Variants in NRG3 observed in about 807,000 individuals in gnomAD.
The protein encoded by NRG3 is pro-neuregulin-3, membrane-bound isoform.
In NRG3, 31 loss-of-function variants were observed where a neutral mutation model predicts 66.9. That is an observed-to-expected ratio of 0.46 (90% CI 0.35 to 0.63). The LOEUF (loss-of-function observed/expected upper bound fraction) is 0.63, where lower values mean the gene tolerates loss of function less well. NRG3 is among the 20% of genes least tolerant of loss of function. NRG3 has a pLI of 0.00. For missense variants in NRG3, 910 were observed against 878.9 expected (o/e 1.04, Z -0.45); for synonymous variants, 393 against 359.4 (o/e 1.09, Z -1.06).
intron 3 of NRG3, among the ~76,000 whole-genome samples, chr10:82,757,114 A>T (rs2059112211): frequency 1.3e-5 from 2 of 152,032 alleles, no homozygotes; most frequent in Admixed American, 1.3e-4. Context: ...GATGCACAGG[A>T]TTTGCTCTGG....
At chr10:82,059,078 A>G (rs1251951420) in intron 1 of NRG3, among the ~76,000 whole-genome samples, 3 of 152,182 alleles carry the variant, frequency 2.0e-5, no homozygotes, top group African/African-American at 2.4e-5. Context: ...AGAGGTATAC[A>G]TTGTGATGTG....
intron 2 of NRG3, among the ~76,000 whole-genome samples, chr10:82,434,592 A>C (rs2090014942): frequency 6.6e-6 from 1 of 152,118 alleles, no homozygotes; most frequent in African/African-American, 2.4e-5. Context: ...CTTGTCATAA[A>C]TAGCTTTTAT....
At chr10:82,725,233 C>T (rs1026082422) in intron 2 of NRG3, among the ~76,000 whole-genome samples, 4 of 152,182 alleles carry the variant, frequency 2.6e-5, no homozygotes, top group Admixed American at 1.3e-4. Context: ...GGCCAGCATG[C>T]TGGTATGGTT....
chr10:82,367,711 T>C (rs1487874681), intron 2 of NRG3, among the ~76,000 whole-genome samples: 23 of 152,140 alleles, frequency 1.5e-4, no homozygotes, highest in Admixed American at 1.5e-3. Context: ...ATACATATTC[T>C]TGACCGAACG....
intron 4 of NRG3, among the ~76,000 whole-genome samples, chr10:82,880,974 G>C (rs1239929732): frequency 6.6e-6 from 1 of 152,176 alleles, no homozygotes; most frequent in African/African-American, 2.4e-5. Context: ...GTTAATATGA[G>C]CAGTGCAGGA....
At chr10:82,235,527 AAAGCTTTTTGTGACCTTTCCATCTC>A (rs1256403650) in intron 1 of NRG3, among the ~76,000 whole-genome samples, 3 of 152,190 alleles carry the variant, frequency 2.0e-5, no homozygotes, top group African/African-American at 7.2e-5. Flanking sequence ...ATCGATAAAG[AAAGCTTTTTGTGACCTTTCCATCTC>A]AAGTAATCTC....
At chr10:82,607,375 G>C (rs2048032359) in intron 2 of NRG3, among the ~76,000 whole-genome samples, 1 of 128,294 alleles carries the variant, frequency 7.8e-6, no homozygotes. Flanking sequence ...CTCTGAAGTT[G>C]CCTTGATTGG....
chr10:82,011,075 C>T (rs896988383), intron 1 of NRG3, among the ~76,000 whole-genome samples: 2 of 152,126 alleles, frequency 1.3e-5, no homozygotes, highest in Non-Finnish European at 2.9e-5. Context: ...GAATATTGTA[C>T]TGCATTGGTC....
At chr10:82,556,423 A>G (rs948212512) in intron 2 of NRG3, among the ~76,000 whole-genome samples, 2 of 152,114 alleles carry the variant, frequency 1.3e-5, no homozygotes, top group African/African-American at 4.8e-5. Context: ...TGCTACTGGT[A>G]AGGACTTCAT....
At chr10:82,953,651 C>T (rs1849739294) in intron 5 of NRG3, among the ~76,000 whole-genome samples, 1 of 151,906 alleles carries the variant, frequency 6.6e-6, no homozygotes, top group African/African-American at 2.4e-5. Flanking sequence ...AGTATAATAT[C>T]TACCTTATAG....
chr10:82,958,996 G>C lies in NRG3; in HGVS notation c.1205G>C (p.Gly402Ala). Reference protein sequence around the residue: ...IQEQLKVPQNGKSYSLKASST... With the variant: ...IQEQLKVPQNAKSYSLKASST... The stretch of plus-strand genomic sequence containing the variant: ...GAGCAGCTGAAAGTGCCACAAAATG[G>C]TAAAAGCTACAGTCTCAAAGCATCC... The change falls in exon 6 of 9, where the codon GGT becomes GCT. Residue 402 changes from glycine (G) to alanine (A), a missense_variant. Gly to Ala is a moderately conservative substitution (Grantham distance 60, BLOSUM62 0). Coordinates refer to ENST00000372141, the MANE Select transcript of NRG3 (RefSeq NM_001010848.4). 1 of 1,607,200 alleles carries C rather than the reference G, an allele frequency of 6.2e-7. No individual in the cohort carries two copies. Among genetic ancestry groups the C allele is most frequent in the Admixed American group, 1.7e-5 (1 of 57,960 alleles).
chr10:81,899,820 T>A (rs1843863611), intron 1 of NRG3, among the ~76,000 whole-genome samples: 1 of 152,180 alleles, frequency 6.6e-6, no homozygotes, highest in African/African-American at 2.4e-5. Flanking sequence ...GATAGTTGAA[T>A]GTTTGTCATA....
chr10:82,908,619 C>T (rs1470482270), intron 4 of NRG3, among the ~76,000 whole-genome samples: 2 of 152,186 alleles, frequency 1.3e-5, no homozygotes, highest in African/African-American at 4.8e-5. Context: ...TTGCTGTTCA[C>T]CTGCAATCCT....
At chr10:82,246,972 G>A (rs1031342898) in intron 1 of NRG3, among the ~76,000 whole-genome samples, 5 of 152,162 alleles carry the variant, frequency 3.3e-5, no homozygotes, top group Admixed American at 1.3e-4. Flanking sequence ...AAAACCTGCC[G>A]TAAGCTATAA....
intron 1 of NRG3, among the ~76,000 whole-genome samples, chr10:82,051,989 G>A (rs961200172): frequency 6.6e-5 from 10 of 150,530 alleles, no homozygotes; most frequent in Non-Finnish European, 1.0e-4. Context: ...ACTGGCAAAT[G>A]TATAATGTTG....
At chr10:81,897,928 A>C (rs1564640320) in intron 1 of NRG3, among the ~76,000 whole-genome samples, 1 of 152,144 alleles carries the variant, frequency 6.6e-6, no homozygotes, top group Non-Finnish European at 1.5e-5. Context: ...TTTTAATCAC[A>C]TGGGGGAGAT....
At chr10:82,649,355 G>A (rs1458009932) in intron 2 of NRG3, among the ~76,000 whole-genome samples, 2 of 150,138 alleles carry the variant, frequency 1.3e-5, no homozygotes, top group Non-Finnish European at 3.0e-5. Context: ...ACTTTCTAAA[G>A]TATCTGCTCT....
At chr10:82,414,450 A>G (rs1441993934) in intron 2 of NRG3, among the ~76,000 whole-genome samples, 1 of 152,180 alleles carries the variant, frequency 6.6e-6, no homozygotes, top group Non-Finnish European at 1.5e-5. Flanking sequence ...AACAGATATA[A>G]AAATCATGAA....
At chr10:82,368,267 G>A (rs1374646233) in intron 2 of NRG3, among the ~76,000 whole-genome samples, 2 of 137,832 alleles carry the variant, frequency 1.5e-5, no homozygotes, top group Non-Finnish European at 3.0e-5. Context: ...CTTCTTGATA[G>A]GTACTCAGAG....
Sources: allele counts gnomAD v4.1 joint callset (sites outside exome capture counted in the v4.1 genomes callset), GRCh38; gene constraint gnomAD v4.1.1; transcripts MANE v1.5; gene names NCBI Gene and HGNC (gene_info 2026-07-23, HGNC 2026-07-21).